GSDME: variants seen among roughly 807,000 people sequenced by gnomAD.
The protein encoded by GSDME is gasdermin E.
In GSDME, 44 loss-of-function variants were observed where a neutral mutation model predicts 47.5. The observed-to-expected ratio is 0.93, with a 90% confidence interval of 0.73 to 1.19. The LOEUF is 1.19. Ranked by LOEUF, GSDME falls within the 50% of genes most tolerant of loss-of-function variation. The pLI is 0.00. For missense variants in GSDME, 663 were observed against 604.2 expected (o/e 1.10, Z -1.02); for synonymous variants, 258 against 252.8 (o/e 1.02, Z -0.20).
Position 24,724,186 on chromosome 7 carries a change from A to T in GSDME, c.405-4968T>A, listed in dbSNP as rs925034669. ...GATTGCCCAGTTCCAAAAAAAAAAA[A>T]AAGTATTTTAAAAAAAGGCCTTCTG... On this transcript the variant is annotated intron_variant, in intron 3 of 9. Transcript: ENST00000645220. This position sits in a 1 kb window ranked among gnomAD's most constrained non-coding sequence, Gnocchi z 4.8. Among the ~76,000 whole-genome samples, 1 of 151,958 alleles carries T rather than the reference A, an allele frequency of 6.6e-6. No homozygotes were observed. Among genetic ancestry groups the T allele is most frequent in the South Asian group, 2.1e-4 (1 of 4,798 alleles).
chr7:24,749,589 G>C lies in GSDME; in HGVS notation c.186C>G (p.Leu62=). Residue 62 remains leucine (L), a synonymous_variant, in exon 2 of 10, where the codon CTC becomes CTG. Coordinates refer to ENST00000645220, the MANE Select transcript of GSDME (RefSeq NM_001127453.2). ...QFLSLTLGDV[L]IEDQFPSPVV... ...CTGGACTCGGAAATTGGTCTTCTAT[G>C]AGTACATCGCCAAGGGTGAGGGATA... 2 of 1,613,434 alleles carry C rather than the reference G, an allele frequency of 1.2e-6. No homozygotes were observed. The highest frequency in any genetic ancestry group is 1.7e-6 in the Non-Finnish European group (2 of 1,179,926).
chr7:24,770,760 T>C, the GSDME span, among the ~76,000 whole-genome samples: 7 of 151,656 alleles, frequency 4.6e-5, no homozygotes, highest in East Asian at 1.2e-3. The surrounding 1 kb of genome is among the most constrained non-coding windows in gnomAD (Gnocchi z 4.6). Context: ...AAATAAAGAA[T>C]GCCTTTGATG....
intron 3 of GSDME, among the ~76,000 whole-genome samples, chr7:24,738,873 A>G (rs1259692254): frequency 6.6e-6 from 1 of 152,208 alleles, no homozygotes; most frequent in African/African-American, 2.4e-5. Flanking sequence ...CCAAGAGCAT[A>G]CATTGGGGAA....
chr7:24,729,933 C>T (rs1463693520), intron 3 of GSDME, among the ~76,000 whole-genome samples: 2 of 152,172 alleles, frequency 1.3e-5, no homozygotes, highest in East Asian at 3.8e-4. Flanking sequence ...AGGCCTGCAC[C>T]ATTTCCCAGA....
the GSDME span, among the ~76,000 whole-genome samples, chr7:24,788,227 T>C: frequency 6.6e-6 from 1 of 152,182 alleles, no homozygotes; most frequent in Non-Finnish European, 1.5e-5. The surrounding 1 kb of genome is among the most constrained non-coding windows in gnomAD (Gnocchi z 4.6). Context: ...CCCTAAGAAC[T>C]GCACCCTGGG....
Position 24,705,927 on chromosome 7 carries a change from G to A in GSDME, c.1183+257C>T. The A allele has an allele frequency of 1.8e-6, 1 of 551,574 alleles. No homozygotes were observed. 34.2% of individuals were successfully genotyped at this position (551,574 alleles called of 1,614,324 possible). ...TGTAGGCAAAGGGGCACCCACTGTG[G>A]CCTTCCCTGGGGGAGGAGGGAGAAG... is the stretch of plus-strand genomic sequence containing the variant. On this transcript the variant is annotated intron_variant, in intron 8 of 9. Transcript: ENST00000645220. This position sits in a 1 kb window ranked among gnomAD's most constrained non-coding sequence, Gnocchi z 4.1.
Position 24,708,278 on chromosome 7 carries a change from G to C in GSDME, c.863-24C>G. ...CGCTGTGAAAACAAAGCACACCCAA[G>C]TCTCATGACTGCGATGCACATCTCA... On this transcript the variant is annotated intron_variant, in intron 6 of 9. Transcript: ENST00000645220. 2.5e-6 allele frequency: 4 copies of C among 1,613,714 alleles called. No individual in the cohort carries two copies. The South Asian group carries it at 3.3e-5, about 13-fold the overall frequency.
In GSDME at chr7:24,705,728, T is replaced by C. The variant is rs949301928; in HGVS notation, c.1183+456A>G. On this transcript the variant is annotated intron_variant, in intron 8 of 9. Transcript: ENST00000645220. The surrounding 1 kb of genome is among the most constrained non-coding windows in gnomAD (Gnocchi z 4.1). Reference sequence around the variant, plus strand: ...CCTAGTACATTGGATGGTTGAATGCTCTCCACAGCCCCCTTGCCCCAGACA... The same window carrying C: ...CCTAGTACATTGGATGGTTGAATGCCCTCCACAGCCCCCTTGCCCCAGACA... 3.3e-6 allele frequency: 1 copy of C among 299,246 alleles called. No homozygotes were observed. The highest frequency in any genetic ancestry group is 6.5e-6 in the Non-Finnish European group (1 of 153,764). The allele number at this position is 299,246 out of a possible 1,614,324, so 18.5% of individuals were successfully genotyped here. A position where few individuals can be genotyped will look rare whatever the true frequency, so the allele number is the denominator to read the frequency against.
chr7:24,775,079 G>A, the GSDME span, among the ~76,000 whole-genome samples: 21 of 152,114 alleles, frequency 1.4e-4, no homozygotes, highest in Admixed American at 3.3e-4. Flanking sequence ...TATTTCACCC[G>A]CAGTGTTTCA....
chr7:24,774,930 G>A, the GSDME span, among the ~76,000 whole-genome samples: 4 of 152,158 alleles, frequency 2.6e-5, no homozygotes, highest in African/African-American at 9.7e-5. Flanking sequence ...GTGTATGGGG[G>A]ATGTTTCTGA....
At chr7:24,763,589 T>C in the GSDME span, among the ~76,000 whole-genome samples, 1 of 152,146 alleles carries the variant, frequency 6.6e-6, no homozygotes, top group Non-Finnish European at 1.5e-5. The surrounding 1 kb of genome is among the most constrained non-coding windows in gnomAD (Gnocchi z 4.3). Flanking sequence ...ATAGCACAAA[T>C]GTAAAATTTA....
chr7:24,783,515 T>C, the GSDME span, among the ~76,000 whole-genome samples: 1 of 152,194 alleles, frequency 6.6e-6, no homozygotes, highest in Non-Finnish European at 1.5e-5. Context: ...ATTTCTCTCA[T>C]TCAAAGGCCA....
intron 3 of GSDME, among the ~76,000 whole-genome samples, chr7:24,723,712 G>C (rs1452051356): frequency 6.6e-6 from 1 of 152,182 alleles, no homozygotes; most frequent in African/African-American, 2.4e-5. Context: ...AGCACCCATA[G>C]CTGCTGTCTC....
At chr7:24,702,227 T>C (rs2128045838) in intron 9 of GSDME, among the ~76,000 whole-genome samples, 2 of 152,348 alleles carry the variant, frequency 1.3e-5, no homozygotes, top group Middle Eastern at 6.8e-3. Context: ...CTTGACTCTC[T>C]AGGGCTAAGC....
rs1212201023 is a variant in GSDME, at chr7:24,716,564, G to T, written c.697+690C>A. 6.5e-6 allele frequency: 1 copy of T among 154,158 alleles called. No individual in the cohort carries two copies. Among genetic ancestry groups the T allele is most frequent in the Non-Finnish European group, 1.4e-5 (1 of 69,458 alleles). The allele number at this position is 154,158 out of a possible 1,614,324, so 9.5% of individuals were successfully genotyped here. ...TCTCATTGGGAACATGAGGAGGGAA[G>T]GGGCTGTGAACACCTAAAGTGAGCA... On this transcript the variant is annotated intron_variant, in intron 5 of 9. Transcript: ENST00000645220. This position sits in a 1 kb window ranked among gnomAD's most constrained non-coding sequence, Gnocchi z 4.5.
At chr7:24,786,877 T>C in the GSDME span, among the ~76,000 whole-genome samples, 3 of 152,336 alleles carry the variant, frequency 2.0e-5, no homozygotes, top group South Asian at 2.1e-4. The surrounding 1 kb of genome is among the most constrained non-coding windows in gnomAD (Gnocchi z 5.5). Context: ...GCTGTGGTCA[T>C]GCACAGTTGC....
chr7:24,750,679 C>A (rs1473460891), intron 1 of GSDME, among the ~76,000 whole-genome samples: 2 of 152,184 alleles, frequency 1.3e-5, no homozygotes, highest in African/African-American at 4.8e-5. Context: ...AGATAGCTTA[C>A]TTATGACTAC....
At chr7:24,775,762 C>G in the GSDME span, among the ~76,000 whole-genome samples, 1 of 147,626 alleles carries the variant, frequency 6.8e-6, no homozygotes, top group African/African-American at 2.5e-5. Context: ...GTAATCCCAG[C>G]TAGTTGGGAG....
At position 24,757,334 on chromosome 7, in the gene GSDME, C is replaced by T. The variant is rs1791064872; in HGVS notation, c.-20+62G>A. The stretch of plus-strand genomic sequence containing the variant: ...CCCGGCCCGGGACACCCAAACAGAC[C>T]AAAGAGGATCCGGAGTGGAGCCCGG... On this transcript the variant is annotated intron_variant, in intron 1 of 9. Transcript: ENST00000645220. The surrounding 1 kb of genome is among the most constrained non-coding windows in gnomAD (Gnocchi z 5.9). The T allele has an allele frequency of 6.6e-6, 1 of 152,532 alleles. No individual in the cohort carries two copies. Among genetic ancestry groups the T allele is most frequent in the African/African-American group, 2.4e-5 (1 of 41,444 alleles). 9.4% of individuals were successfully genotyped at this position (152,532 alleles called of 1,614,324 possible).
Sources: allele counts gnomAD v4.1 joint callset (sites outside exome capture counted in the v4.1 genomes callset), GRCh38; gene constraint gnomAD v4.1.1; non-coding constraint Gnocchi (gnomAD v3.1); transcripts MANE v1.5; gene names NCBI Gene and HGNC (gene_info 2026-07-23, HGNC 2026-07-21).